ESR1: variants seen among roughly 807,000 people sequenced by gnomAD.
ESR1 encodes the protein estrogen receptor 1.
ESR1 carries 12 observed loss-of-function variants against 52.7 expected under a neutral mutation model. That is an observed-to-expected ratio of 0.23 (90% CI 0.15 to 0.37). The LOEUF is 0.37. Among genes scored for constraint, ESR1 ranks in the 10% least tolerant of loss-of-function variants. ESR1 has a pLI of 1.00. For missense variants in ESR1, 584 were observed against 779.7 expected (o/e 0.75, Z 2.99); for synonymous variants, 305 against 316.8 (o/e 0.96, Z 0.39).
intron 5 of ESR1, among the ~76,000 whole-genome samples, chr6:152,041,278 G>A (rs1344524270): frequency 6.6e-6 from 1 of 152,172 alleles, no homozygotes; most frequent in Non-Finnish European, 1.5e-5. Context: ...CCAAGTGGCA[G>A]AGCAGCTTGC....
intron 2 of ESR1, among the ~76,000 whole-genome samples, chr6:151,860,923 A>G (rs1014659552): frequency 5.9e-5 from 9 of 152,172 alleles, no homozygotes; most frequent in Non-Finnish European, 1.2e-4. Flanking sequence ...AACCTCATGA[A>G]CACGAAGCTT....
chr6:151,876,106 T>C (rs775150818), intron 2 of ESR1, among the ~76,000 whole-genome samples: 9 of 151,984 alleles, frequency 5.9e-5, no homozygotes, highest in Non-Finnish European at 8.8e-5. Flanking sequence ...TTAGAAAATA[T>C]TTGTTTTGAT....
intron 3 of ESR1, among the ~76,000 whole-genome samples, chr6:151,920,285 T>G (rs2128460356): frequency 6.7e-6 from 1 of 149,820 alleles, no homozygotes; most frequent in South Asian, 2.1e-4. Flanking sequence ...ATGAAAGTAC[T>G]TCTTGCCCTT....
chr6:151,924,398 CTG>C (rs2032309097), intron 3 of ESR1, among the ~76,000 whole-genome samples: 1 of 150,220 alleles, frequency 6.7e-6, no homozygotes, highest in Non-Finnish European at 1.5e-5. Flanking sequence ...TTTTTGCCAA[CTG>C]TATTTTTTTT....
At chr6:151,688,176 A>C (rs938671256), upstream of ESR1, among the ~76,000 whole-genome samples, 2 of 152,352 alleles carry the variant, frequency 1.3e-5, no homozygotes. Context: ...TTTCATTAGA[A>C]CAATAAACTT....
intron 1 of ESR1, among the ~76,000 whole-genome samples, chr6:151,824,036 G>A (rs557771717): frequency 1.3e-5 from 2 of 152,228 alleles, no homozygotes; most frequent in Admixed American, 1.3e-4. Flanking sequence ...AGATCCCTGA[G>A]GAATCGCCAC....
upstream of ESR1, among the ~76,000 whole-genome samples, chr6:151,800,564 A>G (rs2128141530): frequency 6.6e-6 from 1 of 152,232 alleles, no homozygotes; most frequent in African/African-American, 2.4e-5. Context: ...GTGGCCTTAT[A>G]AAAAGAGCTC....
chr6:151,732,354 A>G (rs117856741), intron 2 of ESR1, among the ~76,000 whole-genome samples: 2,960 of 152,308 alleles, frequency 0.019, 36 homozygotes, highest in East Asian at 0.037. Flanking sequence ...TTTTACTTGC[A>G]AGGTAAAAAG....
chr6:152,106,832 C>G (rs968445509), downstream of ESR1, among the ~76,000 whole-genome samples: 2 of 152,130 alleles, frequency 1.3e-5, no homozygotes, highest in Non-Finnish European at 1.5e-5. Context: ...TCTTGAACTC[C>G]TGGGCTCCAG....
intron 1 of ESR1, among the ~76,000 whole-genome samples, chr6:151,662,302 G>T (rs2115204510): frequency 6.6e-6 from 1 of 152,256 alleles, no homozygotes; most frequent in East Asian, 1.9e-4. Context: ...TTTGGTTTAT[G>T]TGCAACAATA....
chr6:152,009,841 T>C (rs988448207), intron 4 of ESR1, among the ~76,000 whole-genome samples: 2 of 152,108 alleles, frequency 1.3e-5, no homozygotes, highest in Non-Finnish European at 2.9e-5. Context: ...AAATGTCCAA[T>C]GAAAGGATAC....
rs911250092 is a variant in ESR1, at chr6:152,094,641, C to T, written c.1553+73C>T. On this transcript the variant is annotated intron_variant, in intron 7 of 7. Coordinates refer to ENST00000206249, the MANE Select transcript of ESR1 (RefSeq NM_000125.4). This position sits in a 1 kb window ranked among gnomAD's most constrained non-coding sequence, Gnocchi z 4.6. The stretch of plus-strand genomic sequence containing the variant: ...CCCCCAAACCTATGTGACAGCTGGC[C>T]GGGAAGGACTGGTGCCTGCATATGG... The T allele has an allele frequency of 1.5e-5, 21 of 1,422,828 alleles. No homozygotes were observed. In the Admixed American group the frequency reaches 1.7e-4, roughly 11 times the overall value. 88.1% of individuals were successfully genotyped at this position (1,422,828 alleles called of 1,614,324 possible).
intron 3 of ESR1, among the ~76,000 whole-genome samples, chr6:151,904,858 TGGTAATGGGCCA>T (rs1474319676): frequency 6.6e-6 from 1 of 152,176 alleles, no homozygotes; most frequent in Admixed American, 6.5e-5. Flanking sequence ...CATTTAGTAC[TGGTAATGGGCCA>T]GGAAAGTGCT....
At position 152,011,775 on chromosome 6, in the gene ESR1, C is replaced by T. The variant is rs1217780662; in HGVS notation, c.1216C>T (p.Pro406Ser). The T allele has an allele frequency of 2.5e-6, 4 of 1,612,916 alleles. No homozygotes were observed. The highest frequency in any genetic ancestry group is 1.3e-5 in the African/African-American group (1 of 74,776). Reference protein sequence around the residue: ...MEHPGKLLFAPNLLLDRNQGK... With the variant: ...MEHPGKLLFASNLLLDRNQGK... ...GCACCCAGGGAAGCTACTGTTTGCT[C>T]CTAACTTGCTCTTGGACAGGTAAGT... Residue 406 changes from proline to serine, a missense_variant, in exon 5 of 8, where the codon CCT becomes TCT. Physicochemically the swap from Pro to Ser is moderately conservative, Grantham distance 74. Transcript: ENST00000206249.
chr6:151,683,205 G>A (rs901276139), intron 1 of ESR1, among the ~76,000 whole-genome samples: 45 of 152,046 alleles, frequency 3.0e-4, no homozygotes, highest in African/African-American at 9.9e-4. Flanking sequence ...TACTTTGACG[G>A]TATTGGGACT....
At chr6:152,012,496 G>A (rs1461993101) in intron 5 of ESR1, among the ~76,000 whole-genome samples, 1 of 152,230 alleles carries the variant, frequency 6.6e-6, no homozygotes, top group East Asian at 1.9e-4. Context: ...GGACTCCTAG[G>A]AGGCAGGAAT....
chr6:152,076,605 T>C (rs930617711), intron 6 of ESR1, among the ~76,000 whole-genome samples: 19 of 152,146 alleles, frequency 1.2e-4, no homozygotes, highest in Admixed American at 2.6e-4. Context: ...TCCTAGAGAC[T>C]TGTTGAATGG....
intron 6 of ESR1, chr6:152,113,174 T>C (rs1282009650): frequency 6.6e-6 from 1 of 152,294 alleles, no homozygotes; most frequent in Non-Finnish European, 1.5e-5. Context: ...GAGTAAGTAG[T>C]TTAGGCATTT....
chr6:151,838,535 A>C (rs1783763691), intron 1 of ESR1, among the ~76,000 whole-genome samples: 1 of 152,202 alleles, frequency 6.6e-6, no homozygotes, highest in African/African-American at 2.4e-5. Context: ...CTCTCTGTCT[A>C]GAGGAAGTTA....
Sources: allele counts gnomAD v4.1 joint callset (sites outside exome capture counted in the v4.1 genomes callset), GRCh38; gene constraint gnomAD v4.1.1; non-coding constraint Gnocchi (gnomAD v3.1); transcripts MANE v1.5; gene names NCBI Gene and HGNC (gene_info 2026-07-23, HGNC 2026-07-21).